Variants in LARGE1 observed in about 807,000 individuals in gnomAD.
LARGE1 encodes the protein LARGE xylosyl- and glucuronyltransferase 1.
Under a neutral mutation model 87.6 loss-of-function variants are expected in LARGE1, and 43 were observed. The ratio of observed to expected loss-of-function variants is 0.49; its 90% CI spans 0.38 to 0.63. The LOEUF (loss-of-function observed/expected upper bound fraction) is 0.63, where lower values mean the gene tolerates loss of function less well. Ranked by LOEUF, LARGE1 falls within the 30% of genes least tolerant of loss-of-function variation. The probability of loss-of-function intolerance (pLI) is 0.00; values close to 1 mark genes in which losing one functional copy is unlikely to be tolerated. For synonymous variants in LARGE1, 434 were observed against 394.6 expected (o/e 1.10, Z -1.18); for missense variants, 802 against 1,000.2 (o/e 0.80, Z 2.67).
intron 11 of LARGE1, among the ~76,000 whole-genome samples, chr22:33,184,103 T>TATATATATATATATATATATAA (rs71187247): frequency 1.6e-4 from 23 of 142,382 alleles, no homozygotes; most frequent in African/African-American, 5.7e-4. Context: ...TATATATATA[T>TATATATATATATATATATATAA]CATATCTTTA....
intron 9 of LARGE1, among the ~76,000 whole-genome samples, chr22:33,379,242 A>T (rs2065080173): frequency 7.2e-6 from 1 of 138,326 alleles, no homozygotes; most frequent in East Asian, 2.1e-4. Flanking sequence ...AAAGCTTTAT[A>T]TTTGCTGAGT....
At chr22:33,104,933 T>TTCTTTCTCTTTCTCTCTTTCTC in the LARGE1 span, among the ~76,000 whole-genome samples, 3 of 119,486 alleles carry the variant, frequency 2.5e-5, no homozygotes, top group East Asian at 5.4e-4. Context: ...CTTTCTTTCT[T>TTCTTTCTCTTTCTCTCTTTCTC]TCTTTCTTTC....
intron 1 of LARGE1, among the ~76,000 whole-genome samples, chr22:33,784,364 G>A (rs980062420): frequency 1.3e-5 from 2 of 152,126 alleles, no homozygotes; most frequent in Non-Finnish European, 2.9e-5. Context: ...CAATTTGCTC[G>A]AAGTCACAAG....
chr22:33,469,182 T>C (rs1264483814), intron 6 of LARGE1, among the ~76,000 whole-genome samples: 7 of 152,240 alleles, frequency 4.6e-5, no homozygotes, highest in Non-Finnish European at 8.8e-5. Flanking sequence ...CATTATTGGG[T>C]ATATACCCAA....
chr22:33,392,866 G>C (rs2065583749), intron 7 of LARGE1, among the ~76,000 whole-genome samples: 2 of 152,076 alleles, frequency 1.3e-5, no homozygotes, highest in African/African-American at 4.8e-5. Context: ...AAATTCCCGT[G>C]AGTGTGAAAT....
intron 1 of LARGE1, among the ~76,000 whole-genome samples, chr22:33,862,849 A>G (rs2063972928): frequency 6.6e-6 from 1 of 152,178 alleles, no homozygotes; most frequent in South Asian, 2.1e-4. Flanking sequence ...GAGTCAAAAC[A>G]ATATTGATGA....
the LARGE1 span, among the ~76,000 whole-genome samples, chr22:33,078,974 G>A: frequency 6.6e-6 from 1 of 152,188 alleles, no homozygotes; most frequent in African/African-American, 2.4e-5. Context: ...ACAGGTGAGA[G>A]ACAACACAGC....
chr22:33,664,134 C>T (rs2081204158), intron 2 of LARGE1, among the ~76,000 whole-genome samples: 1 of 152,216 alleles, frequency 6.6e-6, no homozygotes, highest in African/African-American at 2.4e-5. Flanking sequence ...CAGGCTGAAT[C>T]ACCTGTGCTT....
intron 9 of LARGE1, among the ~76,000 whole-genome samples, chr22:33,365,120 A>G (rs2064539990): frequency 6.6e-6 from 1 of 152,122 alleles, no homozygotes; most frequent in African/African-American, 2.4e-5. Context: ...TGGTCAAGAA[A>G]TGTCATTCAT....
chr22:33,521,367 G>A (rs1455205590), intron 6 of LARGE1, among the ~76,000 whole-genome samples: 1 of 152,232 alleles, frequency 6.6e-6, no homozygotes, highest in Non-Finnish European at 1.5e-5. Context: ...CTACTATAGG[G>A]TGGCCTTACC....
chr22:33,872,771 G>A (rs947735919), intron 1 of LARGE1, among the ~76,000 whole-genome samples: 2 of 152,172 alleles, frequency 1.3e-5, no homozygotes, highest in African/African-American at 4.8e-5. Flanking sequence ...GCTGAGGCGG[G>A]TGGATGACCT....
At chr22:33,459,441 CT>C (rs3071562) in intron 6 of LARGE1, among the ~76,000 whole-genome samples, 4,101 of 128,310 alleles carry the variant, frequency 0.032, 44 homozygotes, top group Middle Eastern at 0.053. Flanking sequence ...CGCTCTCTCT[CT>C]TTTTTTTTTT....
At position 33,593,096 on chromosome 22, in the gene LARGE1, C is replaced by T. The variant is rs537347070; in HGVS notation, c.615+11339G>A. 2.6e-5 allele frequency among the ~76,000 whole-genome samples: 4 copies of T among 152,370 alleles called. No homozygotes were observed. In the East Asian group the frequency reaches 7.7e-4, roughly 29 times the overall value. ...CCTTGTGATCCGCCCACCTCGGCCTCCCAAAGTGCTGGGATTACAGGCGTG... is the reference window on the plus strand; with the variant it reads ...CCTTGTGATCCGCCCACCTCGGCCTTCCAAAGTGCTGGGATTACAGGCGTG... On this transcript the variant is annotated intron_variant, in intron 5 of 14. Transcript: ENST00000397394.
intron 11 of LARGE1, among the ~76,000 whole-genome samples, chr22:33,265,451 C>A (rs1441074163): frequency 6.6e-6 from 1 of 152,140 alleles, no homozygotes; most frequent in African/African-American, 2.4e-5. Flanking sequence ...TGAATAGAGT[C>A]TCACTTACCG....
intron 7 of LARGE1, among the ~76,000 whole-genome samples, chr22:33,403,475 T>C (rs2065992217): frequency 6.6e-6 from 1 of 152,198 alleles, no homozygotes; most frequent in East Asian, 1.9e-4. Flanking sequence ...CAACCACAGT[T>C]CCACGGATGG....
intron 1 of LARGE1, among the ~76,000 whole-genome samples, chr22:33,796,937 G>T (rs1027835553): frequency 2.6e-5 from 4 of 151,926 alleles, no homozygotes; most frequent in Non-Finnish European, 5.9e-5. Flanking sequence ...GCTAATTTTT[G>T]CATTGTTAGT....
intron 2 of LARGE1, among the ~76,000 whole-genome samples, chr22:33,699,290 T>G (rs186320148): frequency 7.0e-4 from 107 of 152,338 alleles, no homozygotes; most frequent in Non-Finnish European, 1.1e-3. Flanking sequence ...TGCCTTCACC[T>G]CTTCGCAGAA....
At chr22:33,192,563 A>G (rs1056497092) in intron 11 of LARGE1, among the ~76,000 whole-genome samples, 3 of 152,156 alleles carry the variant, frequency 2.0e-5, no homozygotes, top group Admixed American at 6.5e-5. Flanking sequence ...CATAGTTTGG[A>G]TATAAACCTC....
intron 9 of LARGE1, among the ~76,000 whole-genome samples, chr22:33,341,572 C>G: frequency 6.6e-6 from 1 of 151,760 alleles, no homozygotes; most frequent in East Asian, 1.9e-4. Context: ...TCTAGAAGAC[C>G]AGTTTTCTCT....
Sources: gnomAD v4.1 joint callset for allele counts (sites outside exome capture counted in the v4.1 genomes callset) on GRCh38, gnomAD v4.1.1 for gene constraint, MANE v1.5 for transcripts, NCBI Gene and HGNC (gene_info 2026-07-23, HGNC 2026-07-21) for gene names.